SYT7: variants seen among roughly 807,000 people sequenced by gnomAD.
SYT7 encodes the protein synaptotagmin-7.
Under a neutral mutation model 75.1 loss-of-function variants are expected in SYT7, and 29 were observed. The observed-to-expected ratio is 0.39, with a 90% CI of 0.29 to 0.53. The LOEUF (loss-of-function observed/expected upper bound fraction) is 0.53, where lower values mean the gene tolerates loss of function less well. SYT7 is among the 20% of genes least tolerant of loss of function. SYT7 has a pLI of 0.77. For synonymous variants in SYT7, 376 were observed against 401.7 expected, an observed-to-expected ratio of 0.94 and a Z score of 0.76; for missense variants, 693 against 953.2, an observed-to-expected ratio of 0.73 and a Z score of 3.59.
In SYT7 at chr11:61,551,287, G is replaced by T; in HGVS notation, c.215+97C>A. The stretch of plus-strand genomic sequence containing the variant: ...GCATCGGGGTGTGGGGGAAGTGAAA[G>T]TGTGTGGTCAGGTCTGTGGGGCTGG... On this transcript the variant is annotated intron_variant, in intron 3 of 12. Coordinates refer to ENST00000539008, the MANE Select transcript of SYT7 (RefSeq NM_001365809.2). This position sits in a 1 kb window ranked among gnomAD's most constrained non-coding sequence, Gnocchi z 5.3. 1 of 1,149,304 alleles carries T rather than the reference G, an allele frequency of 8.7e-7. No individual in the cohort carries two copies. Among genetic ancestry groups the T allele is most frequent in the Non-Finnish European group, 1.3e-6 (1 of 775,882 alleles). The allele number at this position is 1,149,304 out of a possible 1,614,324, so 71.2% of individuals were successfully genotyped here. A position where few individuals can be genotyped will look rare whatever the true frequency, so the allele number is the denominator to read the frequency against.
upstream of SYT7, among the ~76,000 whole-genome samples, chr11:61,584,461 C>T (rs182507763): frequency 3.2e-4 from 48 of 151,868 alleles, no homozygotes; most frequent in Non-Finnish European, 3.1e-4. Context: ...TTTTTGAATG[C>T]CTTTATTATT....
At chr11:61,564,499 A>G (rs2063715903) in intron 1 of SYT7, among the ~76,000 whole-genome samples, 1 of 152,190 alleles carries the variant, frequency 6.6e-6, no homozygotes, top group South Asian at 2.1e-4. Flanking sequence ...CATTTTACAA[A>G]GAAGGAAACT....
intron 7 of SYT7, among the ~76,000 whole-genome samples, chr11:61,536,626 G>A (rs976743235): frequency 1.3e-5 from 2 of 152,188 alleles, no homozygotes; most frequent in African/African-American, 4.8e-5. Flanking sequence ...CTCAGCGCCT[G>A]ACAGCATTTG....
intron 1 of SYT7, among the ~76,000 whole-genome samples, chr11:61,562,472 C>T (rs182054199): frequency 3.9e-5 from 6 of 152,264 alleles, no homozygotes; most frequent in Admixed American, 2.0e-4. Context: ...GTGCCTGACA[C>T]GGAATAAGTA....
At chr11:61,563,873 C>A (rs2135391853) in intron 1 of SYT7, among the ~76,000 whole-genome samples, 1 of 152,306 alleles carries the variant, frequency 6.6e-6, no homozygotes, top group South Asian at 2.1e-4. Flanking sequence ...GATTGAGACC[C>A]CCAGCTCACT....
intron 1 of SYT7, among the ~76,000 whole-genome samples, chr11:61,563,119 C>T (rs7929235): frequency 0.035 from 5,286 of 152,230 alleles, 312 homozygotes; most frequent in African/African-American, 0.12. Flanking sequence ...CAGCCAGCTC[C>T]GCCATTCATG....
chr11:61,555,811 G>A (rs2063487159), intron 2 of SYT7, among the ~76,000 whole-genome samples: 1 of 152,116 alleles, frequency 6.6e-6, no homozygotes, highest in African/African-American at 2.4e-5. Flanking sequence ...CTGCTCGCGT[G>A]CGAATGCCTG....
chr11:61,552,706 C>T (rs2135322108), intron 2 of SYT7, among the ~76,000 whole-genome samples: 1 of 152,334 alleles, frequency 6.6e-6, no homozygotes, highest in Non-Finnish European at 1.5e-5. Flanking sequence ...AGCAGCAAAG[C>T]TCCCTCATCC....
intron 7 of SYT7, among the ~76,000 whole-genome samples, chr11:61,537,339 AC>A (rs2062897402): frequency 1.0e-5 from 1 of 95,310 alleles, no homozygotes; most frequent in Non-Finnish European, 2.1e-5. Flanking sequence ...GCAGCGCCCC[AC>A]CCCCTCCCTG....
At chr11:61,549,821 C>A (rs376914539) in intron 3 of SYT7, among the ~76,000 whole-genome samples, 1 of 152,224 alleles carries the variant, frequency 6.6e-6, no homozygotes, top group East Asian at 1.9e-4. Context: ...GGGCACTGGT[C>A]CCAGCCTGGC....
At position 61,514,764 on chromosome 11, in the gene SYT7, T is replaced by C. The variant is rs2062112467; in HGVS notation, c.*3863A>G. ...ACCTGTTCTATTGAGTGGAAGAGAC[T>C]TTTCTAATCCTAAAGAATGAAACTA... On this transcript the variant is annotated 3_prime_UTR_variant, in exon 13 of 13. Transcript: ENST00000539008. 6.6e-6 allele frequency among the ~76,000 whole-genome samples: 1 copy of C among 152,178 alleles called. No homozygotes were observed. Among genetic ancestry groups the C allele is most frequent in the African/African-American group, 2.4e-5 (1 of 41,438 alleles).
chr11:61,545,966 C>T, intron 5 of SYT7, 65 bp downstream of exon 5: 2 of 1,438,790 alleles, frequency 1.4e-6, no homozygotes, highest in Non-Finnish European at 9.4e-7. Context: ...AGGGGTCCCG[C>T]TGTCCACCCT....
intron 8 of SYT7, among the ~76,000 whole-genome samples, chr11:61,528,688 G>T (rs991305747): frequency 1.3e-5 from 2 of 152,172 alleles, no homozygotes; most frequent in Non-Finnish European, 2.9e-5. Context: ...ACTCTCTAGG[G>T]TGCGGAGAAT....
chr11:61,530,090 C>T (rs899886061), intron 8 of SYT7, among the ~76,000 whole-genome samples: 10 of 152,218 alleles, frequency 6.6e-5, no homozygotes, highest in African/African-American at 1.4e-4. Flanking sequence ...AACAGTTTCC[C>T]GGTGTTCCAA....
the SYT7 span, among the ~76,000 whole-genome samples, chr11:61,587,173 C>T: frequency 6.6e-6 from 1 of 152,226 alleles, no homozygotes; most frequent in African/African-American, 2.4e-5. Context: ...CTCCACCACC[C>T]ATACCCAGGG....
Position 61,542,152 on chromosome 11 carries a change from G to T in SYT7, c.941+59C>A, listed in dbSNP as rs897219407. On this transcript the variant is annotated intron_variant, in intron 6 of 12. Coordinates refer to ENST00000539008, the MANE Select transcript of SYT7 (RefSeq NM_001365809.2). This position sits in a 1 kb window ranked among gnomAD's most constrained non-coding sequence, Gnocchi z 7.8. ...CAACCAGCTGCTCCCAAGGAGATCTGGGGGGCAGGAGGCTGGGTCAGGGAG... is the reference window on the plus strand; with the variant it reads ...CAACCAGCTGCTCCCAAGGAGATCTTGGGGGCAGGAGGCTGGGTCAGGGAG... 6.7e-6 allele frequency: 10 copies of T among 1,499,356 alleles called. No homozygotes were observed. The highest frequency in any genetic ancestry group is 6.3e-5 in the Admixed American group (3 of 47,536). The allele number at this position is 1,499,356 out of a possible 1,614,324, so 92.9% of individuals were successfully genotyped here.
At chr11:61,574,780 C>T (rs2064022941) in intron 1 of SYT7, among the ~76,000 whole-genome samples, 1 of 152,054 alleles carries the variant, frequency 6.6e-6, no homozygotes, top group Non-Finnish European at 1.5e-5. Flanking sequence ...ATGTGCCAGC[C>T]ATGCTGGCCG....
At chr11:61,554,370 T>C (rs546915677) in intron 2 of SYT7, among the ~76,000 whole-genome samples, 8 of 151,998 alleles carry the variant, frequency 5.3e-5, no homozygotes, top group African/African-American at 1.9e-4. Context: ...GACCCCAGCA[T>C]TGACTCACAC....
At chr11:61,558,525 CACACACACACAT>C (rs1321358967) in intron 1 of SYT7, among the ~76,000 whole-genome samples, 48 of 151,466 alleles carry the variant, frequency 3.2e-4, no homozygotes, top group African/African-American at 9.3e-4. Context: ...CACACACACA[CACACACACACAT>C]ATATATATAA....
Sources: allele counts gnomAD v4.1 joint callset (sites outside exome capture counted in the v4.1 genomes callset), GRCh38; gene constraint gnomAD v4.1.1; non-coding constraint Gnocchi (gnomAD v3.1); transcripts MANE v1.5; gene names NCBI Gene and HGNC (gene_info 2026-07-23, HGNC 2026-07-21).